The following CHST8 variants were observed in gnomAD, a reference collection of about 807,000 sequenced individuals.
CHST8 encodes the protein GALNAC-4-ST1.
CHST8 carries 10 observed loss-of-function variants against 15.0 expected under a neutral mutation model. The observed-to-expected ratio is 0.67, with a 90% CI of 0.41 to 1.13. The LOEUF is 1.13. Among genes scored for constraint, CHST8 ranks in the 50% most tolerant of loss-of-function variants. CHST8 has a pLI of 0.00. For missense variants in CHST8, 634 were observed against 608.2 expected (o/e 1.04, Z -0.45); for synonymous variants, 259 against 256.6 (o/e 1.01, Z -0.09).
At chr19:33,661,991 G>T (rs915464367) in intron 1 of CHST8, among the ~76,000 whole-genome samples, 46 of 151,948 alleles carry the variant, frequency 3.0e-4, no homozygotes, top group Non-Finnish European at 7.4e-5. Flanking sequence ...AGATGGGATC[G>T]CACCACTGCA....
intron 3 of CHST8, among the ~76,000 whole-genome samples, chr19:33,756,479 A>G (rs564973161): frequency 1.3e-5 from 2 of 152,110 alleles, no homozygotes; most frequent in South Asian, 4.2e-4. Flanking sequence ...GGTTCACCAT[A>G]AGCCAAGGTT....
chr19:33,710,875 T>G (rs1271915589), intron 3 of CHST8, among the ~76,000 whole-genome samples: 1 of 116,812 alleles, frequency 8.6e-6, no homozygotes, highest in Non-Finnish European at 1.9e-5. Flanking sequence ...TTCTGGAGTT[T>G]TTTTTTTTTT....
chr19:33,690,692 C>T (rs1200182057), intron 3 of CHST8, among the ~76,000 whole-genome samples: 5 of 152,208 alleles, frequency 3.3e-5, no homozygotes, highest in African/African-American at 4.8e-5. Flanking sequence ...TGGGTCTGGC[C>T]GCTCCCAGGC....
At chr19:33,690,721 G>A (rs191197580) in intron 3 of CHST8, among the ~76,000 whole-genome samples, 37 of 152,330 alleles carry the variant, frequency 2.4e-4, no homozygotes, top group East Asian at 7.7e-4. Flanking sequence ...CAGCAGGTGC[G>A]CAGCAGAGCC....
intron 3 of CHST8, among the ~76,000 whole-genome samples, chr19:33,763,419 TC>T (rs1437012692): frequency 6.6e-6 from 1 of 152,066 alleles, no homozygotes; most frequent in Non-Finnish European, 1.5e-5. Flanking sequence ...GACTGCTGCC[TC>T]CCCTCGAAGT....
intron 1 of CHST8, among the ~76,000 whole-genome samples, chr19:33,656,371 AGAT>A (rs559286021): frequency 1.1e-4 from 17 of 152,324 alleles, no homozygotes; most frequent in African/African-American, 1.4e-4. Context: ...CTGGTTTCAG[AGAT>A]GATGTGAAAA....
intron 1 of CHST8, among the ~76,000 whole-genome samples, chr19:33,667,307 A>C (rs899526555): frequency 1.3e-5 from 2 of 152,206 alleles, no homozygotes; most frequent in African/African-American, 4.8e-5. Context: ...GCCTTCCTGC[A>C]GCCCCAAACG....
At chr19:33,744,731 A>C (rs1974278010) in intron 3 of CHST8, among the ~76,000 whole-genome samples, 1 of 151,912 alleles carries the variant, frequency 6.6e-6, no homozygotes, top group Admixed American at 6.6e-5. Context: ...CCCCCACCTA[A>C]TTAATTAATT....
At chr19:33,746,181 A>G (rs904169734) in intron 3 of CHST8, among the ~76,000 whole-genome samples, 1 of 152,222 alleles carries the variant, frequency 6.6e-6, no homozygotes, top group Non-Finnish European at 1.5e-5. Flanking sequence ...AAAACATGGC[A>G]CTTTAGAGTT....
intron 3 of CHST8, among the ~76,000 whole-genome samples, chr19:33,700,083 C>T (rs920401671): frequency 1.3e-5 from 2 of 152,178 alleles, no homozygotes; most frequent in African/African-American, 4.8e-5. Context: ...CGCAGCTGGG[C>T]GTCTAAGCCC....
intron 1 of CHST8, among the ~76,000 whole-genome samples, chr19:33,665,498 C>T (rs1419654825): frequency 1.3e-5 from 2 of 152,058 alleles, no homozygotes; most frequent in African/African-American, 2.4e-5. Context: ...GTCCATGGGC[C>T]ACAGTTTGCC....
chr19:33,743,483 A>T (rs952800626), intron 3 of CHST8, among the ~76,000 whole-genome samples: 10 of 151,376 alleles, frequency 6.6e-5, no homozygotes, highest in Non-Finnish European at 5.9e-5. Flanking sequence ...TTCTATTTTT[A>T]GTAGAGACGG....
intron 1 of CHST8, among the ~76,000 whole-genome samples, chr19:33,628,746 G>A (rs1029118711): frequency 3.9e-5 from 6 of 152,188 alleles, no homozygotes; most frequent in Non-Finnish European, 5.9e-5. Context: ...TGTCTACACT[G>A]GTCGAACCAG....
chr19:33,745,597 G>T (rs1974300374), intron 3 of CHST8, among the ~76,000 whole-genome samples: 1 of 152,238 alleles, frequency 6.6e-6, no homozygotes, highest in African/African-American at 2.4e-5. Flanking sequence ...ATTGCACGGG[G>T]CTGGGAGGGA....
At chr19:33,704,178 G>A (rs1030597989) in intron 3 of CHST8, among the ~76,000 whole-genome samples, 2 of 152,222 alleles carry the variant, frequency 1.3e-5, no homozygotes, top group African/African-American at 4.8e-5. Context: ...GGACTGCAGG[G>A]ATGATGATCC....
intron 1 of CHST8, among the ~76,000 whole-genome samples, chr19:33,642,781 G>T (rs530553067): frequency 9.2e-5 from 14 of 152,336 alleles, no homozygotes; most frequent in Non-Finnish European, 2.1e-4. Context: ...CAGAGAAGGG[G>T]CTACCTTACG....
intron 3 of CHST8, among the ~76,000 whole-genome samples, chr19:33,737,001 A>C (rs1304651890): frequency 1.3e-5 from 2 of 152,202 alleles, no homozygotes; most frequent in Non-Finnish European, 2.9e-5. Flanking sequence ...ATACATTAGC[A>C]TGCTAAAAGA....
At chr19:33,710,804 C>T (rs4805928) in intron 3 of CHST8, among the ~76,000 whole-genome samples, 18,358 of 152,018 alleles carry the variant, frequency 0.12, 1,167 homozygotes, top group Middle Eastern at 0.18. Context: ...CATAACCTCA[C>T]ACTGTTCAGT....
At chr19:33,760,741 A>G (rs4805938) in intron 3 of CHST8, among the ~76,000 whole-genome samples, 3,186 of 152,142 alleles carry the variant, frequency 0.021, 52 homozygotes, top group Non-Finnish European at 0.027. Context: ...GTGCCAATTT[A>G]TTGTCACGAT....
Sources: gnomAD v4.1 joint callset for allele counts (sites outside exome capture counted in the v4.1 genomes callset) on GRCh38, gnomAD v4.1.1 for gene constraint, MANE v1.5 for transcripts, NCBI Gene and HGNC (gene_info 2026-07-23, HGNC 2026-07-21) for gene names.